ABCG8: variants seen among roughly 807,000 people sequenced by gnomAD.
The protein encoded by ABCG8 is ATP-binding cassette sub-family G member 8.
ABCG8 carries 81 observed loss-of-function variants against 71.3 expected under a neutral mutation model. The ratio of observed to expected loss-of-function variants is 1.14; its 90% CI spans 0.95 to 1.37. The LOEUF is 1.37. Among genes scored for constraint, ABCG8 ranks in the 40% most tolerant of loss-of-function variants. The pLI is 0.00. For synonymous variants in ABCG8, 451 were observed against 354.7 expected, an observed-to-expected ratio of 1.27 and a Z score of -3.05; for missense variants, 1,119 against 866.2, an observed-to-expected ratio of 1.29 and a Z score of -3.66.
chr2:43,880,923 A>C lies in ABCG8; in HGVS notation c.*3010A>C, dbSNP rs1670113806. The C allele has an allele frequency of 6.6e-6, 1 of 152,186 alleles. No individual in the cohort carries two copies. The highest frequency in any genetic ancestry group is 2.4e-5 in the African/African-American group (1 of 41,414). The allele number at this position is 152,186 out of a possible 1,614,324, so 9.4% of individuals were successfully genotyped here. A position where few individuals can be genotyped will look rare whatever the true frequency, so the allele number is the denominator to read the frequency against. On this transcript the variant is annotated 3_prime_UTR_variant, in exon 13 of 13. Coordinates refer to ENST00000272286, the MANE Select transcript of ABCG8 (RefSeq NM_022437.3). The stretch of plus-strand genomic sequence containing the variant: ...CTACCCTGCTCAGGCTCTAACTCCC[A>C]AGTCCAGCTTTCCCTGAGTCTGCAG...
In ABCG8 at chr2:43,878,013, C is replaced by T. The variant is rs1670021143; in HGVS notation, c.*100C>T. ...TTCCTGGGGACAGTGAGGACAATGA[C>T]CCTACAGATGCTCAGCTACATCCGG... On this transcript the variant is annotated 3_prime_UTR_variant, in exon 13 of 13. Transcript: ENST00000272286. 5.1e-6 allele frequency: 8 copies of T among 1,555,562 alleles called. No homozygotes were observed. The highest frequency in any genetic ancestry group is 1.8e-5 in the Admixed American group (1 of 56,818).
At position 43,869,838 on chromosome 2, in the gene ABCG8, T is replaced by C. The variant is rs377266265; in HGVS notation, c.965-2138T>C. ...CACCATCTGGCTAGAACCCTCACTATCTGTCTGGATGGAACTCTCACTATC... is the reference window on the plus strand; with the variant it reads ...CACCATCTGGCTAGAACCCTCACTACCTGTCTGGATGGAACTCTCACTATC... On this transcript the variant is annotated intron_variant, in intron 6 of 12. Transcript: ENST00000272286. 9.2e-5 allele frequency among the ~76,000 whole-genome samples: 14 copies of C among 152,086 alleles called. No individual in the cohort carries two copies. In the East Asian group the frequency reaches 1.4e-3, roughly 15 times the overall value.
intron 6 of ABCG8, among the ~76,000 whole-genome samples, chr2:43,864,220 A>G (rs1484648491): frequency 6.6e-6 from 1 of 151,356 alleles, no homozygotes; most frequent in Non-Finnish European, 1.5e-5. Flanking sequence ...CGATCTGGAT[A>G]GAACTTTCAC....
chr2:43,857,119 A>G (rs1228572325), intron 6 of ABCG8, among the ~76,000 whole-genome samples: 3 of 151,532 alleles, frequency 2.0e-5, no homozygotes, highest in Non-Finnish European at 3.0e-5. Context: ...CACTCTCTAG[A>G]TAGAACTCTC....
At position 43,872,255 on chromosome 2, in the gene ABCG8, C is replaced by T. The variant is rs150654176; in HGVS notation, c.1160C>T (p.Pro387Leu). 6.7e-4 allele frequency: 1,077 copies of T among 1,613,868 alleles called. 1 individual carries two copies. The highest frequency in any genetic ancestry group is 8.1e-4 in the Non-Finnish European group (956 of 1,180,038). Residue 387 changes from proline to leucine, a missense_variant, in exon 8 of 13, where the codon CCG becomes CTG. Transcript: ENST00000272286. ...ACCCCACTAGACACCAACTGCCTCC[C>T]GAGTCCTACGAAGATGCCTGGGGCG... ...SVTPLDTNCL[P>L]SPTKMPGAVQ...
rs373958720 is a variant in ABCG8 at position 43,842,304 on chromosome 2, C to T, written c.64-2203C>T. Among the ~76,000 whole-genome samples the T allele has an allele frequency of 1.3e-3, 193 of 152,240 alleles. 3 individuals are homozygous for T. In the South Asian group the frequency reaches 0.018, roughly 14 times the overall value. ...CTGGGATTACAGGCATGAGCCACTG[C>T]GCACAGCTGGCAATGGCTAAGATTT... is the stretch of plus-strand genomic sequence containing the variant. On this transcript the variant is annotated intron_variant, in intron 1 of 12. Transcript: ENST00000272286.
chr2:43,860,222 T>C (rs1276076256), intron 6 of ABCG8, among the ~76,000 whole-genome samples: 2 of 150,080 alleles, frequency 1.3e-5, no homozygotes, highest in Admixed American at 6.6e-5. Context: ...GATAAAACTC[T>C]CACTCTCTGG....
At chr2:43,868,353 G>A (rs1230517533) in intron 6 of ABCG8, among the ~76,000 whole-genome samples, 1 of 148,898 alleles carries the variant, frequency 6.7e-6, no homozygotes, top group Non-Finnish European at 1.5e-5. Context: ...TCACTATCTG[G>A]ATAGAACTCT....
rs185443749 is a variant in ABCG8, at chr2:43,879,414, T to C, written c.*1501T>C. The stretch of plus-strand genomic sequence containing the variant: ...GCAGAATGGGCACAGCTGGAGCTGA[T>C]TGGATAGGTCCCATGAGCCTCAGGC... On this transcript the variant is annotated 3_prime_UTR_variant, in exon 13 of 13. Transcript: ENST00000272286. The C allele has an allele frequency of 1.3e-5, 2 of 152,380 alleles. No homozygotes were observed. Among genetic ancestry groups the C allele is most frequent in the African/African-American group, 4.8e-5 (2 of 41,574 alleles). The allele number at this position is 152,380 out of a possible 1,614,324, so 9.4% of individuals were successfully genotyped here. A position where few individuals can be genotyped will look rare whatever the true frequency, so the allele number is the denominator to read the frequency against.
At chr2:43,839,880 C>T (rs1424381245) in intron 1 of ABCG8, among the ~76,000 whole-genome samples, 1 of 152,176 alleles carries the variant, frequency 6.6e-6, no homozygotes, top group Admixed American at 6.5e-5. Context: ...GGAACATCAG[C>T]ATGTGTGGCT....
intron 6 of ABCG8, among the ~76,000 whole-genome samples, chr2:43,864,341 T>A (rs569403489): frequency 6.6e-6 from 1 of 151,852 alleles, no homozygotes; most frequent in East Asian, 1.9e-4. Context: ...ATTTTCACTC[T>A]CTGGATGGAA....
At position 43,851,537 on chromosome 2, in the gene ABCG8, C is replaced by A. The variant is rs115368282; in HGVS notation, c.323-47C>A. On this transcript the variant is annotated intron_variant, in intron 3 of 12. Transcript: ENST00000272286. ...TGGGGAGCAGTGGCTGACAGCCTGGCCCCCACAGAAGCTCCGCTCTCAGGG... is the reference window on the plus strand; with the variant it reads ...TGGGGAGCAGTGGCTGACAGCCTGGACCCCACAGAAGCTCCGCTCTCAGGG... 2.5e-3 allele frequency: 4,034 copies of A among 1,601,664 alleles called. 76 individuals are homozygous for A. In the African/African-American group the frequency reaches 0.047, roughly 19 times the overall value.
At chr2:43,851,938 C>G (rs761683403) in intron 4 of ABCG8, 116 bp downstream of exon 4, 2 of 1,213,936 alleles carry the variant, frequency 1.6e-6, no homozygotes, top group Non-Finnish European at 2.4e-6. Flanking sequence ...TTGAACAACT[C>G]AGCTTGCCTT....
intron 1 of ABCG8, 128 bp from the exon 2 acceptor site, chr2:43,844,379 T>G: frequency 1.3e-6 from 1 of 741,758 alleles, no homozygotes; most frequent in South Asian, 1.5e-5. Context: ...CAATCCCATC[T>G]GTTGCCAATT....
intron 11 of ABCG8, among the ~76,000 whole-genome samples, chr2:43,875,885 A>T (rs541519765): frequency 1.3e-5 from 2 of 152,112 alleles, no homozygotes; most frequent in South Asian, 2.1e-4. Context: ...GGGTTGCTCA[A>T]TCCCTGCGGC....
intron 6 of ABCG8, among the ~76,000 whole-genome samples, chr2:43,856,116 C>A (rs904288817): frequency 4.6e-5 from 7 of 152,048 alleles, no homozygotes; most frequent in African/African-American, 1.7e-4. Context: ...AATTCTCACA[C>A]TCTGGGTAGA....
chr2:43,875,755 G>C (rs2104949897), intron 11 of ABCG8, among the ~76,000 whole-genome samples: 1 of 152,278 alleles, frequency 6.6e-6, no homozygotes, highest in East Asian at 1.9e-4. Flanking sequence ...GTTTGAGCCT[G>C]GGCCACTGCC....
In ABCG8 at chr2:43,881,744, T is replaced by G. The variant is rs1670137697; in HGVS notation, c.*3831T>G. On this transcript the variant is annotated 3_prime_UTR_variant, in exon 13 of 13. Coordinates refer to ENST00000272286, the MANE Select transcript of ABCG8 (RefSeq NM_022437.3). ...AAAAAAACCCAAGGCTCTCGAGGCA[T>G]GCATGCTGTTCAGCGAGCCCTGCCC... The G allele has an allele frequency of 6.6e-6, 1 of 150,734 alleles. No individual in the cohort carries two copies. The highest frequency in any genetic ancestry group is 2.1e-4 in the South Asian group (1 of 4,802). 9.3% of individuals were successfully genotyped at this position (150,734 alleles called of 1,614,324 possible). A position where few individuals can be genotyped will look rare whatever the true frequency, so the allele number is the denominator to read the frequency against.
chr2:43,862,606 CT>C (rs1669366059), intron 6 of ABCG8, among the ~76,000 whole-genome samples: 3 of 151,002 alleles, frequency 2.0e-5, no homozygotes, highest in East Asian at 3.9e-4. Context: ...GGAAACAACT[CT>C]CACTATATGG....
Sources: gnomAD v4.1 joint callset for allele counts (sites outside exome capture counted in the v4.1 genomes callset) on GRCh38, gnomAD v4.1.1 for gene constraint, MANE v1.5 for transcripts, NCBI Gene and HGNC (gene_info 2026-07-23, HGNC 2026-07-21) for gene names.